SULT1A2: variants seen among roughly 807,000 people sequenced by gnomAD.
SULT1A2 encodes sulfotransferase family 1A member 2.
A neutral mutation model predicts 36.0 loss-of-function variants in SULT1A2; 33 were observed. That is an observed-to-expected ratio of 0.92 (90% CI 0.69 to 1.22). The LOEUF (loss-of-function observed/expected upper bound fraction) is 1.22. Ranked by LOEUF, SULT1A2 falls within the 50% of genes most tolerant of loss-of-function variation. The pLI is 0.00. For synonymous variants in SULT1A2, 138 were observed against 144.5 expected (o/e 0.96, Z 0.32); for missense variants, 367 against 383.2 (o/e 0.96, Z 0.35).
At chr16:28,596,806 G>T (rs2047063831) in intron 1 of SULT1A2, 191 bp downstream of exon 1, 27 of 334,816 alleles carry the variant, frequency 8.1e-5, no homozygotes, top group South Asian at 6.7e-4. Context: ...TCCAGCCTCG[G>T]TGACAGCAAG....
rs777137540 is a variant in SULT1A2 at position 28,593,385 on chromosome 16, G to A, written c.500-39C>T. ...CAGGGAGTGCCGACACAGGGTTGCTGTGCGTTGTAGCCACCACCCCTTAGC... is the reference window on the plus strand; with the variant it reads ...CAGGGAGTGCCGACACAGGGTTGCTATGCGTTGTAGCCACCACCCCTTAGC... On this transcript the variant is annotated intron_variant, in intron 5 of 7. Transcript: ENST00000335715. 4 of 1,613,988 alleles carry A rather than the reference G, an allele frequency of 2.5e-6. No individual in the cohort carries two copies. The South Asian group carries it at 3.3e-5, about 13-fold the overall frequency.
At position 28,594,848 on chromosome 16, in the gene SULT1A2, T is replaced by C. The variant is rs376060757; in HGVS notation, c.372+519A>G. Among the ~76,000 whole-genome samples the C allele has an allele frequency of 1.9e-3, 273 of 140,526 alleles. 1 individual carries two copies. The highest frequency in any genetic ancestry group is 0.01 in the South Asian group (42 of 4,046). 92.2% of individuals were successfully genotyped at this position (140,526 alleles called of 152,430 possible). On this transcript the variant is annotated intron_variant, in intron 4 of 7. Transcript: ENST00000335715. ...CAGGCTGCAGTGCAATGGTGAGGTC[T>C]CGGCTGACTACAACCTCTGCCTCCC...
rs1202280324 is a variant in SULT1A2, at chr16:28,593,277, T to C, written c.569A>G (p.Tyr190Cys). 1 of 1,613,582 alleles carries C rather than the reference T, an allele frequency of 6.2e-7. No homozygotes were observed. Among genetic ancestry groups the C allele is most frequent in the East Asian group, 2.2e-5 (1 of 44,832 alleles). Residue 190 changes from tyrosine to cysteine, a missense_variant, in exon 6 of 8, where the codon TAC (tyrosine) becomes TGC (cysteine). By Grantham distance (194) the Tyr-to-Cys change is radical. Transcript: ENST00000335715. The part of the protein sequence containing the change: ...WELSRTHPVL[Y>C]LFYEDMKENP... The stretch of plus-strand genomic sequence containing the variant: ...CTCCTTCATGTCTTCATAGAAGAGG[T>C]AGAGAACAGGGTGGGTGCGGCTCAG...
At chr16:28,592,655 G>A (rs2047008006) in intron 6 of SULT1A2, among the ~76,000 whole-genome samples, 1 of 152,174 alleles carries the variant, frequency 6.6e-6, no homozygotes, top group Admixed American at 6.5e-5. Context: ...GCTCCTATGG[G>A]TAAGGACTGG....
Position 28,595,804 on chromosome 16 carries a change from T to C in SULT1A2, c.127A>G (p.Ile43Val), listed in dbSNP as rs775873329. 5.6e-6 allele frequency: 9 copies of C among 1,612,604 alleles called. No individual in the cohort carries two copies. The South Asian group carries it at 7.7e-5, about 14-fold the overall frequency. Reference protein sequence around the residue: ...SFQARPDDLLISTYPKSGTTW... With the variant: ...SFQARPDDLLVSTYPKSGTTW... ...CTACCGGACTTGGGGTAGGTGCTGA[T>C]GAGCAGGTCATCAGGCCGGGCCTGG... The change falls in exon 2 of 8, where the codon ATC (isoleucine) becomes GTC (valine). Residue 43 changes from isoleucine to valine, a missense_variant. Physicochemically the swap from Ile to Val is conservative, Grantham distance 29. Transcript: ENST00000335715.
Position 28,597,036 on chromosome 16 carries a change from G to A in SULT1A2, c.-44C>T, listed in dbSNP as rs1316551478. On this transcript the variant is annotated 5_prime_UTR_variant, in exon 1 of 8. Coordinates refer to ENST00000335715, the MANE Select transcript of SULT1A2 (RefSeq NM_001054.4). ...ACCTGGCCTTGTGCCCTCCTCGCCCGCAGTGGCTGAGTGTGGGTGTTGTGT... is the reference window on the plus strand; with the variant it reads ...ACCTGGCCTTGTGCCCTCCTCGCCCACAGTGGCTGAGTGTGGGTGTTGTGT... The A allele has an allele frequency of 9.4e-6, 12 of 1,282,956 alleles. No individual in the cohort carries two copies. The East Asian group carries it at 3.9e-4, about 41-fold the overall frequency. The allele number at this position is 1,282,956 out of a possible 1,614,324, so 79.5% of individuals were successfully genotyped here.
Position 28,596,389 on chromosome 16 carries a change from G to A in SULT1A2, c.-4-455C>T. Reference sequence around the variant, plus strand: ...CTCTCCCCGATGTTCCCCTCCTTGAGCCCCTCGGCCCCTCACATGTGGCAA... The same window carrying A: ...CTCTCCCCGATGTTCCCCTCCTTGAACCCCTCGGCCCCTCACATGTGGCAA... On this transcript the variant is annotated intron_variant, in intron 1 of 7. Transcript: ENST00000335715. The A allele has an allele frequency of 3.7e-6, 4 of 1,073,906 alleles. No homozygotes were observed. In the South Asian group the frequency reaches 8.4e-5, roughly 23 times the overall value. The allele number at this position is 1,073,906 out of a possible 1,614,324, so 66.5% of individuals were successfully genotyped here. A position where few individuals can be genotyped will look rare whatever the true frequency, so the allele number is the denominator to read the frequency against.
chr16:28,593,482 C>A lies in SULT1A2; in HGVS notation c.459G>T (p.Gly153=), dbSNP rs759209861. 6.2e-7 allele frequency: 1 copy of A among 1,613,980 alleles called. No homozygotes were observed. Among genetic ancestry groups the A allele is most frequent in the East Asian group, 2.2e-5 (1 of 44,894 alleles). ...ACTTCTCCAGGAAGCTTTCCCAGGT[C>A]CCAGGGTGAGGGTACACTTTGGCCA... The part of the protein sequence containing the change: ...YHMAKVYPHP[G]TWESFLEKFM... The change falls in exon 5 of 8, where the codon GGG becomes GGT. Residue 153 remains glycine (G), a synonymous_variant. Coordinates refer to ENST00000335715, the MANE Select transcript of SULT1A2 (RefSeq NM_001054.4).
chr16:28,595,086 ACT>A (rs2047042892), intron 4 of SULT1A2, among the ~76,000 whole-genome samples: 1 of 151,318 alleles, frequency 6.6e-6, no homozygotes, highest in African/African-American at 2.4e-5. Context: ...CTGGTGGGAC[ACT>A]CTTTCTATTC....
intron 4 of SULT1A2, among the ~76,000 whole-genome samples, chr16:28,593,843 A>G (rs2047027475): frequency 6.6e-6 from 1 of 152,098 alleles, no homozygotes; most frequent in African/African-American, 2.4e-5. Context: ...GCATGTTCCC[A>G]CCACCACCAA....
chr16:28,593,869 G>A (rs1201878804), intron 4 of SULT1A2, among the ~76,000 whole-genome samples: 1 of 152,132 alleles, frequency 6.6e-6, no homozygotes, highest in Non-Finnish European at 1.5e-5. Context: ...GTGGGCCTGT[G>A]AGGACCCACC....
At position 28,594,770 on chromosome 16, in the gene SULT1A2, C is replaced by CTTTT. The variant is rs1033591115; in HGVS notation, c.372+593_372+596dup. Among the ~76,000 whole-genome samples the CTTTT allele has an allele frequency of 4.2e-3, 226 of 53,842 alleles. 45 individuals are homozygous for CTTTT. The highest frequency in any genetic ancestry group is 5.7e-3 in the African/African-American group (82 of 14,364). The allele number at this position is 53,842 out of a possible 152,430, so 35.3% of individuals were successfully genotyped here. On this transcript the variant is annotated intron_variant, in intron 4 of 7. Transcript: ENST00000335715. ...AGGCCCAGCCCCCTGCCACCTGCCG[C>CTTTT]TTTTTTTTTTTTTTTTTTTTTTTTT...
intron 1 of SULT1A2, chr16:28,596,304 G>C (rs2047059212): frequency 8.5e-7 from 1 of 1,174,710 alleles, no homozygotes; most frequent in Non-Finnish European, 1.1e-6. Flanking sequence ...CTTCCTGCCA[G>C]CCAGCGCCCT....
intron 6 of SULT1A2, 87 bp from the exon 7 acceptor site, chr16:28,592,530 A>G (rs778378517): frequency 1.3e-6 from 2 of 1,596,504 alleles, no homozygotes; most frequent in East Asian, 2.2e-5. Flanking sequence ...TCAGAGGGGA[A>G]CTGGCCACTT....
At chr16:28,596,461 A>T (rs1366844484) in intron 1 of SULT1A2, 2 of 768,584 alleles carry the variant, frequency 2.6e-6, no homozygotes, top group Non-Finnish European at 3.4e-6. Context: ...GCCACAGTCC[A>T]TCTGGGCTCC....
intron 6 of SULT1A2, among the ~76,000 whole-genome samples, chr16:28,592,784 CTT>C (rs1222405481): frequency 2.6e-5 from 4 of 152,278 alleles, no homozygotes; most frequent in Non-Finnish European, 5.9e-5. Context: ...ATTCCCAAGA[CTT>C]TGGGAGGCTG....
chr16:28,594,922 AG>A (rs1438788050), intron 4 of SULT1A2, among the ~76,000 whole-genome samples: 1 of 151,064 alleles, frequency 6.6e-6, no homozygotes, highest in Non-Finnish European at 1.5e-5. Context: ...CTGGGATTAC[AG>A]ATGCCTGCCA....
chr16:28,596,208 G>A (rs1218469365), intron 1 of SULT1A2: 72 of 1,385,148 alleles, frequency 5.2e-5, no homozygotes, highest in Non-Finnish European at 6.0e-5. Context: ...GCACCCTCGT[G>A]GCGCGGGGCC....
At chr16:28,592,620 G>A in intron 6 of SULT1A2, 177 bp from the exon 7 acceptor site, 1 of 1,227,470 alleles carries the variant, frequency 8.1e-7, no homozygotes, top group Non-Finnish European at 1.1e-6. Context: ...TGTCTGCCCT[G>A]TGATCCCATC....
Sources: gnomAD v4.1 joint callset for allele counts (sites outside exome capture counted in the v4.1 genomes callset) on GRCh38, gnomAD v4.1.1 for gene constraint, MANE v1.5 for transcripts, NCBI Gene and HGNC (gene_info 2026-07-23, HGNC 2026-07-21) for gene names.